Variants in ABCA1 observed in about 807,000 individuals in gnomAD.
ABCA1 encodes the protein phospholipid-transporting ATPase ABCA1.
A neutral mutation model predicts 262.5 loss-of-function variants in ABCA1; 133 were observed. The ratio of observed to expected loss-of-function variants is 0.51; its 90% CI spans 0.44 to 0.59. The LOEUF (loss-of-function observed/expected upper bound fraction) is 0.59, where lower values mean the gene tolerates loss of function less well. Ranked by LOEUF, ABCA1 falls within the 20% of genes least tolerant of loss-of-function variation. The probability of loss-of-function intolerance (pLI) is 0.00; values close to 1 mark genes in which losing one functional copy is unlikely to be tolerated. For synonymous variants in ABCA1, 1,022 were observed against 1,043.5 expected (o/e 0.98, Z 0.40); for missense variants, 2,452 against 2,777.5 (o/e 0.88, Z 2.63).
rs1262479130 is a variant in ABCA1, at chr9:104,908,144, A to C, written c.-92-4373T>G. ...TTACATACCCACTAAATTAAATATT[A>C]AAAGTGCTAGCATGTGTATGGAGAC... On this transcript the variant is annotated intron_variant, in intron 1 of 49. Transcript: ENST00000374736. 2.0e-5 allele frequency among the ~76,000 whole-genome samples: 3 copies of C among 152,348 alleles called. No individual in the cohort carries two copies. In the East Asian group the frequency reaches 5.8e-4, roughly 29 times the overall value.
chr9:104,901,690 C>A (rs1261035191), intron 2 of ABCA1, among the ~76,000 whole-genome samples: 1 of 152,116 alleles, frequency 6.6e-6, no homozygotes, highest in African/African-American at 2.4e-5. Context: ...AAAATAATGA[C>A]ACCACTGAAA....
intron 7 of ABCA1, among the ~76,000 whole-genome samples, chr9:104,856,805 T>C (rs1455273147): frequency 6.6e-6 from 1 of 152,230 alleles, no homozygotes; most frequent in Non-Finnish European, 1.5e-5. Flanking sequence ...GCATTTGTCA[T>C]GCAGTGAAGC....
At chr9:104,799,641 G>A in intron 36 of ABCA1, 178 bp downstream of exon 36, 3 of 985,260 alleles carry the variant, frequency 3.0e-6, no homozygotes, top group Non-Finnish European at 3.6e-6. Flanking sequence ...AGTTCAAGAA[G>A]CCCAACCAGC....
At position 104,858,667 on chromosome 9, in the gene ABCA1, G is replaced by C. The variant is rs774691918; in HGVS notation, c.575C>G (p.Thr192Arg). ...VFLQGYQLHL[T>R]SLCNGSKSEE... ...TGATTTTGATCCATTGCACAGACTTGTCAAATGTAACTGGTAGCCTTGCAA... is the reference window on the plus strand; with the variant it reads ...TGATTTTGATCCATTGCACAGACTTCTCAAATGTAACTGGTAGCCTTGCAA... Residue 192 changes from threonine to arginine, a missense_variant, in exon 7 of 50, where the codon ACA (threonine) becomes AGA (arginine). Thr to Arg is a moderately conservative substitution (Grantham distance 71, BLOSUM62 -1). Around this residue, in one of 4 missense-constraint regions of ABCA1, gnomAD observed 1,032 missense variants for 1,089.7 expected, o/e 0.95. Coordinates refer to ENST00000374736, the MANE Select transcript of ABCA1 (RefSeq NM_005502.4). 11 of 1,614,056 alleles carry C rather than the reference G, an allele frequency of 6.8e-6. No individual in the cohort carries two copies. In the South Asian group the frequency reaches 1.2e-4, roughly 18 times the overall value.
In ABCA1 at chr9:104,804,730, C is replaced by T. The variant is rs778311922; in HGVS notation, c.4465-10G>A. ...CAGTGTTTTGTTTTCTCTGTCATCA[C>T]ATGAAAACCAAGCATACGGGTCTTT... On this transcript the variant is annotated splice_polypyrimidine_tract_variant and intron_variant, in intron 31 of 49. Transcript: ENST00000374736. The T allele has an allele frequency of 6.2e-7, 1 of 1,607,746 alleles. No individual in the cohort carries two copies. The highest frequency in any genetic ancestry group is 8.5e-7 in the Non-Finnish European group (1 of 1,174,144).
chr9:104,826,911 T>C (rs1832856957), intron 16 of ABCA1, 37 bp downstream of exon 16: 1 of 1,586,824 alleles, frequency 6.3e-7, no homozygotes, highest in African/African-American at 1.3e-5. Context: ...GAAGGTCAAA[T>C]GCCTACAGCC....
intron 20 of ABCA1, 141 bp downstream of exon 20, chr9:104,821,234 T>G: frequency 8.4e-7 from 1 of 1,195,680 alleles, no homozygotes. Context: ...AGAGCGAGAC[T>G]CCATCTCAAA....
chr9:104,865,161 A>G (rs760273314), intron 5 of ABCA1, among the ~76,000 whole-genome samples: 20 of 152,140 alleles, frequency 1.3e-4, no homozygotes, highest in Non-Finnish European at 2.5e-4. Context: ...TGGTTCTCAA[A>G]CATGACTGCC....
rs748523994 is a variant in ABCA1, at chr9:104,781,644, G to A, written c.*2671C>T. The A allele has an allele frequency of 1.3e-5, 2 of 152,584 alleles. No individual in the cohort carries two copies. Among genetic ancestry groups the A allele is most frequent in the Non-Finnish European group, 2.9e-5 (2 of 67,988 alleles). The allele number at this position is 152,584 out of a possible 1,614,324, so 9.5% of individuals were successfully genotyped here. ...AAATACAGTAGTGTGAGGTTTGGTT[G>A]TTTTTTAACAATGAATTGTGCTGGG... On this transcript the variant is annotated 3_prime_UTR_variant, in exon 50 of 50. Coordinates refer to ENST00000374736, the MANE Select transcript of ABCA1 (RefSeq NM_005502.4).
At chr9:104,834,233 C>T (rs1365697407) in intron 11 of ABCA1, among the ~76,000 whole-genome samples, 4 of 149,692 alleles carry the variant, frequency 2.7e-5, no homozygotes, top group African/African-American at 9.8e-5. Context: ...ATAGCAATAA[C>T]ATTTTCTCTC....
intron 46 of ABCA1, among the ~76,000 whole-genome samples, chr9:104,787,247 G>C (rs772712432): frequency 1.3e-5 from 2 of 152,032 alleles, no homozygotes; most frequent in African/African-American, 2.4e-5. Flanking sequence ...AAGGAAAAAG[G>C]CCATTTAGTT....
intron 1 of ABCA1, among the ~76,000 whole-genome samples, chr9:104,916,313 C>A (rs1473092876): frequency 6.6e-6 from 1 of 152,212 alleles, no homozygotes; most frequent in East Asian, 1.9e-4. Context: ...AAACCCTCAA[C>A]ATTCAGGATT....
chr9:104,882,028 T>TA (rs557626075), intron 5 of ABCA1, among the ~76,000 whole-genome samples: 2,444 of 73,544 alleles, frequency 0.033, 153 homozygotes, highest in African/African-American at 0.06. Flanking sequence ...TCTGTAGCCT[T>TA]AAAAAAAAAA....
chr9:104,877,129 TG>T (rs913377143), intron 5 of ABCA1, among the ~76,000 whole-genome samples: 4 of 152,210 alleles, frequency 2.6e-5, no homozygotes, highest in African/African-American at 9.6e-5. Flanking sequence ...CAGAAAGCTC[TG>T]GGGGGCAATT....
intron 5 of ABCA1, among the ~76,000 whole-genome samples, chr9:104,872,089 G>A (rs1041244851): frequency 9.9e-5 from 15 of 152,172 alleles, no homozygotes; most frequent in Non-Finnish European, 2.2e-4. Flanking sequence ...AAGGGACATA[G>A]TAGTGCTTTG....
chr9:104,803,188 TGA>T, intron 33 of ABCA1, 94 bp downstream of exon 33: 1 of 1,386,612 alleles, frequency 7.2e-7, no homozygotes, highest in South Asian at 1.2e-5. Flanking sequence ...CACAAGTGTG[TGA>T]GTGACAAACA....
chr9:104,853,436 G>A (rs954597400), intron 7 of ABCA1, among the ~76,000 whole-genome samples: 1 of 152,180 alleles, frequency 6.6e-6, no homozygotes, highest in Non-Finnish European at 1.5e-5. Context: ...CAGTGAAACT[G>A]GAACGAGGAC....
In ABCA1 at chr9:104,792,896, C is replaced by A; in HGVS notation, c.5647G>T (p.Ala1883Ser). 6.2e-7 allele frequency: 1 copy of A among 1,614,108 alleles called. No homozygotes were observed. The highest frequency in any genetic ancestry group is 8.5e-7 in the Non-Finnish European group (1 of 1,180,014). Residue 1883 changes from alanine (A) to serine (S), a missense_variant, in exon 42 of 50, where the codon GCA becomes TCA. By Grantham distance (99) the Ala-to-Ser change is moderately conservative. Transcript: ENST00000374736. ...TCATCATTCAGAGGAGATAGCTTTGCATTTACAGGTCTTGGGGGAAAAAAC... is the reference window on the plus strand; with the variant it reads ...TCATCATTCAGAGGAGATAGCTTTGAATTTACAGGTCTTGGGGGAAAAAAC... ...RFFIRPRPVN[A>S]KLSPLNDEDE...
intron 5 of ABCA1, among the ~76,000 whole-genome samples, chr9:104,863,502 T>C (rs945918205): frequency 6.6e-6 from 1 of 152,176 alleles, no homozygotes; most frequent in African/African-American, 2.4e-5. Context: ...TGAGGCTTAA[T>C]GAGGACAGGA....
Sources: allele counts gnomAD v4.1 joint callset (sites outside exome capture counted in the v4.1 genomes callset), GRCh38; gene constraint gnomAD v4.1.1; regional missense constraint gnomAD v4.1.1; transcripts MANE v1.5; gene names NCBI Gene and HGNC (gene_info 2026-07-23, HGNC 2026-07-21).